The following DLG2 variants were observed in gnomAD, a reference collection of about 807,000 sequenced individuals.
DLG2 encodes discs large MAGUK scaffold protein 2.
In DLG2, 45 loss-of-function variants were observed where a neutral mutation model predicts 132.5. That is an observed-to-expected ratio of 0.34 (90% CI 0.27 to 0.44). DLG2 has a LOEUF of 0.44. DLG2 is among the 20% of genes least tolerant of loss of function. DLG2 has a pLI of 1.00. For missense variants in DLG2, 1,045 were observed against 1,196.9 expected, an observed-to-expected ratio of 0.87 and a Z score of 1.87; for synonymous variants, 424 against 419.6, an observed-to-expected ratio of 1.01 and a Z score of -0.13.
rs545516610 is a variant in DLG2 at position 84,750,091 on chromosome 11, G to A, written c.358-215360C>T. ...ATTTGCCGCAAAGAACCACTCACTT[G>A]TTCCAACAGTAAAGGAAGACTATTA... On this transcript the variant is annotated intron_variant, in intron 6 of 27. Transcript: ENST00000376104. Among the ~76,000 whole-genome samples, 164 of 152,200 alleles carry A rather than the reference G, an allele frequency of 1.1e-3. 1 individual carries two copies. The Middle Eastern group carries it at 0.014, about 13-fold the overall frequency.
At chr11:84,600,083 C>G (rs920994485) in intron 6 of DLG2, among the ~76,000 whole-genome samples, 17 of 116,366 alleles carry the variant, frequency 1.5e-4, no homozygotes, top group Admixed American at 3.0e-4. Flanking sequence ...AGAGTGACAC[C>G]TTGAAAAAAA....
intron 7 of DLG2, among the ~76,000 whole-genome samples, chr11:84,483,702 T>C (rs984248302): frequency 6.6e-6 from 1 of 152,190 alleles, no homozygotes; most frequent in Non-Finnish European, 1.5e-5. Context: ...AGCAGTTAGG[T>C]ACTTTTGAAT....
chr11:84,271,949 CAAAAAA>C (rs71036417), intron 7 of DLG2, among the ~76,000 whole-genome samples: 4 of 77,766 alleles, frequency 5.1e-5, no homozygotes, highest in African/African-American at 1.3e-4. Flanking sequence ...TTGATAATAA[CAAAAAA>C]AAAAAAAAAA....
At chr11:84,934,525 G>GTTTTTTTTTTTTTTT (rs757894179) in intron 6 of DLG2, among the ~76,000 whole-genome samples, 2 of 38,634 alleles carry the variant, frequency 5.2e-5, no homozygotes, top group Non-Finnish European at 8.7e-5. Flanking sequence ...GTTTTGTTTT[G>GTTTTTTTTTTTTTTT]TTTTTTTTTT....
chr11:85,296,467 C>CTTTTTTTTTTTTTTTTTTATTTATTTT (rs66526147), intron 3 of DLG2, among the ~76,000 whole-genome samples: 1 of 121,554 alleles, frequency 8.2e-6, no homozygotes, highest in African/African-American at 3.1e-5. Context: ...TTTCGATTTT[C>CTTTTTTTTTTTTTTTTTTATTTATTTT]TTTTTTTTTT....
chr11:84,075,880 A>C (rs1359948700), intron 10 of DLG2, among the ~76,000 whole-genome samples: 1 of 152,188 alleles, frequency 6.6e-6, no homozygotes, highest in Admixed American at 6.5e-5. Context: ...GATTTCATAA[A>C]ACCAGAGCCG....
intron 8 of DLG2, among the ~76,000 whole-genome samples, chr11:84,245,385 C>T (rs1194884072): frequency 6.6e-6 from 1 of 152,154 alleles, no homozygotes; most frequent in Non-Finnish European, 1.5e-5. Context: ...ATAACTTTTA[C>T]ATAAATAACT....
At chr11:85,575,741 C>T (rs1289728735) in intron 3 of DLG2, among the ~76,000 whole-genome samples, 1 of 151,424 alleles carries the variant, frequency 6.6e-6, no homozygotes, top group East Asian at 2.0e-4. Context: ...TTAATAATTA[C>T]TCTATTTAAA....
chr11:83,780,917 T>G (rs553410169), intron 18 of DLG2, among the ~76,000 whole-genome samples: 92 of 152,282 alleles, frequency 6.0e-4, no homozygotes, highest in African/African-American at 2.2e-3. Flanking sequence ...TGACAATTTT[T>G]GCAGGGTCTC....
chr11:84,251,392 TGAG>T, intron 7 of DLG2, 101 bp from the exon 8 acceptor site: 2 of 859,960 alleles, frequency 2.3e-6, no homozygotes, highest in Non-Finnish European at 3.5e-6. Context: ...AGGCATTTCT[TGAG>T]GACCTCTACA....
intron 18 of DLG2, among the ~76,000 whole-genome samples, chr11:83,708,135 TATG>T (rs531819242): frequency 3.9e-5 from 6 of 152,206 alleles, no homozygotes; most frequent in African/African-American, 7.2e-5. Context: ...TATTAGATAT[TATG>T]ATAATTGTTG....
At chr11:84,897,155 TATAC>T (rs2090316980) in intron 6 of DLG2, among the ~76,000 whole-genome samples, 2 of 149,902 alleles carry the variant, frequency 1.3e-5, no homozygotes, top group African/African-American at 5.0e-5. Context: ...TATATATATA[TATAC>T]CCCTAAATAA....
chr11:84,248,331 A>G (rs1266363865), intron 8 of DLG2, among the ~76,000 whole-genome samples: 3 of 151,402 alleles, frequency 2.0e-5, no homozygotes, highest in Non-Finnish European at 4.4e-5. Context: ...TTTTTTTTTC[A>G]AAAAAATGAT....
intron 6 of DLG2, among the ~76,000 whole-genome samples, chr11:84,585,867 T>C (rs576345236): frequency 1.7e-4 from 26 of 152,340 alleles, no homozygotes; most frequent in African/African-American, 5.3e-4. Flanking sequence ...ACGTATCTTA[T>C]AGCGTTAACG....
At chr11:84,740,521 C>T (rs555832932) in intron 6 of DLG2, among the ~76,000 whole-genome samples, 9 of 152,214 alleles carry the variant, frequency 5.9e-5, no homozygotes, top group Non-Finnish European at 1.0e-4. Context: ...CAAGCTGCAG[C>T]AATACAGTTC....
chr11:83,615,646 A>T (rs1232011227), intron 19 of DLG2, among the ~76,000 whole-genome samples: 1 of 152,212 alleles, frequency 6.6e-6, no homozygotes, highest in Non-Finnish European at 1.5e-5. Context: ...TATCTTTTGC[A>T]AGTGGGTCAG....
chr11:84,874,615 T>C (rs948175423), intron 6 of DLG2, among the ~76,000 whole-genome samples: 8 of 152,296 alleles, frequency 5.3e-5, no homozygotes, highest in African/African-American at 1.9e-4. Context: ...ATGTGGAAGA[T>C]GGATTGGCAT....
chr11:84,904,486 T>C (rs956069722), intron 6 of DLG2, among the ~76,000 whole-genome samples: 2 of 152,210 alleles, frequency 1.3e-5, no homozygotes, highest in South Asian at 2.1e-4. Flanking sequence ...AATCAGACTA[T>C]ACTGTTTCCT....
intron 9 of DLG2, among the ~76,000 whole-genome samples, chr11:84,132,973 G>A (rs2094472968): frequency 6.6e-6 from 1 of 151,964 alleles, no homozygotes. Context: ...CAAACAACCA[G>A]AATATCTTTA....
Sources: allele counts gnomAD v4.1 joint callset (sites outside exome capture counted in the v4.1 genomes callset), GRCh38; gene constraint gnomAD v4.1.1; transcripts MANE v1.5; gene names NCBI Gene and HGNC (gene_info 2026-07-23, HGNC 2026-07-21).